Variants in BLTP3B observed in about 807,000 individuals in gnomAD.
BLTP3B encodes UHRF1 (ICBP90) binding protein 1-like.
chr12:100,057,794 C>G, the BLTP3B span: 1 of 1,489,212 alleles, frequency 6.7e-7, no homozygotes, highest in Non-Finnish European at 9.0e-7. Flanking sequence ...GAAAAGAATT[C>G]TATCTAAAAA....
the BLTP3B span, among the ~76,000 whole-genome samples, chr12:100,120,994 AGAT>A: frequency 6.6e-6 from 1 of 152,248 alleles, no homozygotes; most frequent in Non-Finnish European, 1.5e-5. Context: ...ATTAATTGCA[AGAT>A]AATAATGCTG....
the BLTP3B span, chr12:100,084,462 T>C: frequency 6.2e-7 from 1 of 1,607,948 alleles, no homozygotes; most frequent in Admixed American, 1.7e-5. Context: ...GGAATGCTAT[T>C]ATAGGTAAAA....
the BLTP3B span, among the ~76,000 whole-genome samples, chr12:100,093,942 T>C: frequency 6.6e-6 from 1 of 152,196 alleles, no homozygotes. Flanking sequence ...TGTCTGCCTG[T>C]GAACTGCTAC....
the BLTP3B span, among the ~76,000 whole-genome samples, chr12:100,077,346 A>C: frequency 3.3e-5 from 5 of 152,244 alleles, no homozygotes; most frequent in Admixed American, 2.6e-4. Context: ...AGTAGGCTAC[A>C]TACCATCTAA....
At chr12:100,061,330 T>C in the BLTP3B span, among the ~76,000 whole-genome samples, 1 of 152,148 alleles carries the variant, frequency 6.6e-6, no homozygotes, top group Non-Finnish European at 1.5e-5. Context: ...GATGTGGGAC[T>C]GAAAAAGGAA....
the BLTP3B span, among the ~76,000 whole-genome samples, chr12:100,111,595 T>G: frequency 4.0e-5 from 6 of 151,874 alleles, no homozygotes; most frequent in East Asian, 7.7e-4. Flanking sequence ...AGTTTTTTGT[T>G]TTTTTTTGTT....
the BLTP3B span, chr12:100,069,773 G>C: frequency 1.9e-4 from 42 of 225,198 alleles, no homozygotes; most frequent in African/African-American, 9.5e-4. Context: ...CTGCTCCAGT[G>C]ATGGGTGCAG....
chr12:100,104,346 A>G, the BLTP3B span, among the ~76,000 whole-genome samples: 4 of 151,434 alleles, frequency 2.6e-5, no homozygotes, highest in Non-Finnish European at 2.9e-5. Context: ...TGAGATTACA[A>G]TCAAGTGCCA....
the BLTP3B span, among the ~76,000 whole-genome samples, chr12:100,135,827 A>C: frequency 6.6e-6 from 1 of 152,182 alleles, no homozygotes; most frequent in Non-Finnish European, 1.5e-5. Context: ...ATGGTACAAT[A>C]TTTGGTACAA....
the BLTP3B span, among the ~76,000 whole-genome samples, chr12:100,108,739 G>A: frequency 6.6e-6 from 1 of 152,188 alleles, no homozygotes; most frequent in Non-Finnish European, 1.5e-5. Context: ...AAAAGAATGA[G>A]ATCCTGTCAT....
chr12:100,107,630 T>C, the BLTP3B span, among the ~76,000 whole-genome samples: 20 of 151,634 alleles, frequency 1.3e-4, no homozygotes, highest in African/African-American at 4.4e-4. Flanking sequence ...CAAGACTCCG[T>C]CTCAAAAAAA....
the BLTP3B span, among the ~76,000 whole-genome samples, chr12:100,053,061 G>A: frequency 9.2e-3 from 1,399 of 151,672 alleles, 24 homozygotes; most frequent in African/African-American, 0.032. Context: ...CCAAAATGCT[G>A]GGATTACAGG....
At chr12:100,070,446 G>A in the BLTP3B span, among the ~76,000 whole-genome samples, 10 of 151,892 alleles carry the variant, frequency 6.6e-5, no homozygotes, top group South Asian at 1.2e-3. Context: ...TTTAGTAGAC[G>A]GGGTTTTACT....
At chr12:100,047,911 ACAT>A in the BLTP3B span, 3 of 1,410,404 alleles carry the variant, frequency 2.1e-6, no homozygotes, top group African/African-American at 4.3e-5. Flanking sequence ...AGGAAAAGGA[ACAT>A]GAAAATATAA....
At chr12:100,070,122 T>C in the BLTP3B span, 2 of 1,541,390 alleles carry the variant, frequency 1.3e-6, no homozygotes, top group South Asian at 1.2e-5. Flanking sequence ...GCAGAGCAGA[T>C]GTCTTCCTTC....
chr12:100,116,245 C>T, the BLTP3B span, among the ~76,000 whole-genome samples: 8 of 150,146 alleles, frequency 5.3e-5, no homozygotes, highest in East Asian at 1.9e-4. Context: ...GGGAAGCTGA[C>T]GTGGGAGGAT....
chr12:100,131,509 A>G, the BLTP3B span, among the ~76,000 whole-genome samples: 1 of 152,084 alleles, frequency 6.6e-6, no homozygotes, highest in African/African-American at 2.4e-5. Context: ...ATAAAGTTCA[A>G]ATTCAACCTA....
the BLTP3B span, among the ~76,000 whole-genome samples, chr12:100,042,042 C>CT: frequency 6.6e-6 from 1 of 152,030 alleles, no homozygotes; most frequent in Admixed American, 6.6e-5. Context: ...TACAAATAAA[C>CT]TTAACAAAAG....
chr12:100,110,600 G>A, the BLTP3B span, among the ~76,000 whole-genome samples: 83 of 152,128 alleles, frequency 5.5e-4, 1 homozygote, highest in African/African-American at 1.9e-3. Context: ...TTGGTGAGAC[G>A]GATCAAATGG....
Sources: gnomAD v4.1 joint callset for allele counts (sites outside exome capture counted in the v4.1 genomes callset) on GRCh38, gnomAD v4.1.1 for gene constraint, MANE v1.5 for transcripts, NCBI Gene and HGNC (gene_info 2026-07-23, HGNC 2026-07-21) for gene names.